The following PCMTD1 variants were observed in gnomAD, a reference collection of about 807,000 sequenced individuals.
PCMTD1 encodes the protein protein-L-isoaspartate O-methyltransferase domain-containing protein 1.
In PCMTD1, 12 loss-of-function variants were observed where a neutral mutation model predicts 37.6. The ratio of observed to expected loss-of-function variants is 0.32; its 90% CI spans 0.20 to 0.52. The LOEUF is 0.52. PCMTD1 is among the 20% of genes least tolerant of loss of function. The pLI, the probability that PCMTD1 is intolerant of heterozygous loss-of-function variation, is 0.97. For synonymous variants in PCMTD1, 117 were observed against 135.8 expected (o/e 0.86, Z 0.96); for missense variants, 235 against 421.3 (o/e 0.56, Z 3.87).
At chr8:51,852,987 T>G (rs1192330164) in intron 2 of PCMTD1, among the ~76,000 whole-genome samples, 1 of 152,042 alleles carries the variant, frequency 6.6e-6, no homozygotes. Context: ...CAGATTGGAG[T>G]GCAGCTTGGA....
At chr8:51,849,898 G>C (rs1227662515) in intron 2 of PCMTD1, 6 of 608,960 alleles carry the variant, frequency 9.9e-6, no homozygotes, top group Non-Finnish European at 1.5e-5. Context: ...GTAGAAGACT[G>C]AGGCAGACCA....
chr8:51,889,522 C>A (rs2038908709), intron 1 of PCMTD1, among the ~76,000 whole-genome samples: 1 of 152,104 alleles, frequency 6.6e-6, no homozygotes, highest in Non-Finnish European at 1.5e-5. Flanking sequence ...CCCTGTGTCC[C>A]TCAACACTGT....
chr8:51,882,338 G>A (rs796239765), intron 1 of PCMTD1, among the ~76,000 whole-genome samples: 2 of 152,122 alleles, frequency 1.3e-5, no homozygotes, highest in Non-Finnish European at 2.9e-5. Flanking sequence ...TTACTTCCTC[G>A]GAAGCCCCGT....
chr8:51,830,746 A>T (rs1297756149), intron 5 of PCMTD1, among the ~76,000 whole-genome samples: 3 of 152,162 alleles, frequency 2.0e-5, no homozygotes, highest in Non-Finnish European at 4.4e-5. Context: ...CTGTATGAAA[A>T]AATGCTGCCA....
intron 1 of PCMTD1, among the ~76,000 whole-genome samples, chr8:51,865,877 C>T (rs1469219909): frequency 1.3e-5 from 2 of 151,424 alleles, no homozygotes; most frequent in South Asian, 2.1e-4. Context: ...TTGAAAATAC[C>T]TATGTTAACT....
intron 5 of PCMTD1, among the ~76,000 whole-genome samples, chr8:51,823,475 T>TA (rs1288120067): frequency 2.6e-5 from 4 of 151,858 alleles, no homozygotes; most frequent in Admixed American, 1.3e-4. Flanking sequence ...AAACAATTAA[T>TA]AAAAAAAAGT....
chr8:51,893,142 T>G (rs1195970737), intron 1 of PCMTD1, among the ~76,000 whole-genome samples: 1 of 152,166 alleles, frequency 6.6e-6, no homozygotes, highest in Admixed American at 6.5e-5. Context: ...TTTATAAGCA[T>G]GCATTTTAAC....
intron 1 of PCMTD1, among the ~76,000 whole-genome samples, chr8:51,891,822 G>C (rs2176121): frequency 0.51 from 76,845 of 151,422 alleles, 23,579 homozygotes; most frequent in Non-Finnish European, 0.68. Context: ...AGCCCCCTTG[G>C]ATCTAAAGGA....
At chr8:51,847,324 A>G (rs2129281634) in intron 2 of PCMTD1, among the ~76,000 whole-genome samples, 1 of 152,360 alleles carries the variant, frequency 6.6e-6, no homozygotes, top group South Asian at 2.1e-4. Context: ...AGTTTACCTC[A>G]TTTAAAATAA....
intron 4 of PCMTD1, among the ~76,000 whole-genome samples, chr8:51,831,911 T>C (rs1478578977): frequency 6.6e-6 from 1 of 152,182 alleles, no homozygotes; most frequent in East Asian, 1.9e-4. Context: ...GTGCAGTAAT[T>C]TGGTTAAGGC....
At chr8:51,851,264 T>TC (rs1044363623) in intron 2 of PCMTD1, among the ~76,000 whole-genome samples, 17 of 152,260 alleles carry the variant, frequency 1.1e-4, no homozygotes, top group Admixed American at 4.6e-4. Context: ...CAAGTTCTAG[T>TC]CCCTCAGGCT....
At chr8:51,899,045 G>A (rs1350794375), upstream of PCMTD1, 10 of 1,506,854 alleles carry the variant, frequency 6.6e-6, no homozygotes, top group Admixed American at 2.1e-5. Flanking sequence ...GTGGAGAGGC[G>A]GGGCCCGGAC....
intron 2 of PCMTD1, among the ~76,000 whole-genome samples, chr8:51,857,108 CAAAG>C (rs1014490196): frequency 1.3e-5 from 2 of 152,220 alleles, no homozygotes; most frequent in South Asian, 2.1e-4. Context: ...CGTCCCATGA[CAAAG>C]AGAGAGAGTG....
intron 5 of PCMTD1, among the ~76,000 whole-genome samples, chr8:51,821,287 C>T (rs59016529): frequency 0.026 from 3,944 of 151,856 alleles, 191 homozygotes; most frequent in African/African-American, 0.09. Flanking sequence ...CATAAGCACA[C>T]GCCAGCACAC....
intron 5 of PCMTD1, among the ~76,000 whole-genome samples, chr8:51,829,022 T>C (rs16916859): frequency 0.025 from 3,792 of 152,308 alleles, 162 homozygotes; most frequent in African/African-American, 0.086. Flanking sequence ...TTTTTGTAAG[T>C]AGCGAAAGTA....
At chr8:51,825,752 C>T (rs1446185171) in intron 5 of PCMTD1, among the ~76,000 whole-genome samples, 1 of 148,962 alleles carries the variant, frequency 6.7e-6, no homozygotes, top group African/African-American at 2.5e-5. Flanking sequence ...AACAAGCATA[C>T]GAAAATGCTC....
At chr8:51,879,180 T>A (rs2038756742) in intron 1 of PCMTD1, among the ~76,000 whole-genome samples, 1 of 151,656 alleles carries the variant, frequency 6.6e-6, no homozygotes, top group African/African-American at 2.4e-5. Context: ...GATAATTCCT[T>A]CACAGTATAT....
intron 1 of PCMTD1, among the ~76,000 whole-genome samples, chr8:51,891,739 G>C (rs1180217785): frequency 6.8e-6 from 1 of 147,728 alleles, no homozygotes; most frequent in East Asian, 2.0e-4. Context: ...ATGATCTGTA[G>C]AAATAACCTG....
chr8:51,885,792 G>A (rs753272053), intron 1 of PCMTD1, among the ~76,000 whole-genome samples: 4 of 137,878 alleles, frequency 2.9e-5, no homozygotes, highest in African/African-American at 2.4e-5. Flanking sequence ...GGTAACTGTC[G>A]GATAGACAGC....
Sources: allele counts gnomAD v4.1 joint callset (sites outside exome capture counted in the v4.1 genomes callset), GRCh38; gene constraint gnomAD v4.1.1; transcripts MANE v1.5; gene names NCBI Gene and HGNC (gene_info 2026-07-23, HGNC 2026-07-21).